The following DLGAP2 variants were observed in gnomAD, a reference collection of about 807,000 sequenced individuals.
The protein encoded by DLGAP2 is disks large-associated protein 2.
DLGAP2 carries 26 observed loss-of-function variants against 100.3 expected under a neutral mutation model. The observed-to-expected ratio is 0.26, with a 90% confidence interval of 0.19 to 0.36. The LOEUF is 0.36. Among genes scored for constraint, DLGAP2 ranks in the 10% least tolerant of loss-of-function variants. The pLI is 1.00. For missense variants in DLGAP2, 1,858 were observed against 1,453.2 expected (o/e 1.28, Z -4.53); for synonymous variants, 886 against 630.1 (o/e 1.41, Z -6.08).
rs571211358 is a variant in DLGAP2 at position 1,193,585 on chromosome 8, G to A, written c.74-65266G>A. ...TGTTTAAAGCTGGATATACGCTGCTGTGTCCACACACCACCCCATTATCTG... is the reference window on the plus strand; with the variant it reads ...TGTTTAAAGCTGGATATACGCTGCTATGTCCACACACCACCCCATTATCTG... On this transcript the variant is annotated intron_variant, in intron 2 of 14. Transcript: ENST00000637795. Among the ~76,000 whole-genome samples, 9 of 152,282 alleles carry A rather than the reference G, an allele frequency of 5.9e-5. No homozygotes were observed. The East Asian group carries it at 1.4e-3, about 23-fold the overall frequency.
At chr8:1,582,692 C>T (rs143523304) in intron 6 of DLGAP2, among the ~76,000 whole-genome samples, 10 of 152,156 alleles carry the variant, frequency 6.6e-5, no homozygotes, top group African/African-American at 1.4e-4. Context: ...TGGGTTCAAA[C>T]GATTCTCCTG....
intron 3 of DLGAP2, among the ~76,000 whole-genome samples, chr8:1,415,100 G>A (rs113022129): frequency 3.0e-4 from 45 of 152,312 alleles, no homozygotes; most frequent in African/African-American, 1.0e-3. Flanking sequence ...GCATACATAC[G>A]TGTACACACA....
At chr8:1,507,508 C>T (rs1584965534) in intron 4 of DLGAP2, among the ~76,000 whole-genome samples, 1 of 152,184 alleles carries the variant, frequency 6.6e-6, no homozygotes, top group Non-Finnish European at 1.5e-5. Flanking sequence ...ACACCTCTCC[C>T]TCCACGCCTC....
intron 3 of DLGAP2, among the ~76,000 whole-genome samples, chr8:1,493,348 GC>G (rs549049524): frequency 3.5e-4 from 53 of 152,326 alleles, no homozygotes; most frequent in African/African-American, 1.3e-3. Flanking sequence ...TGTGGACCCA[GC>G]GTGTAGACAT....
At chr8:1,470,329 G>C (rs374754174) in intron 3 of DLGAP2, among the ~76,000 whole-genome samples, 1 of 152,168 alleles carries the variant, frequency 6.6e-6, no homozygotes, top group African/African-American at 2.4e-5. Context: ...TCATCCCTCA[G>C]CTGGTGCCAC....
chr8:1,532,067 TGA>T (rs1801005591), intron 4 of DLGAP2, among the ~76,000 whole-genome samples: 2 of 152,334 alleles, frequency 1.3e-5, no homozygotes, highest in East Asian at 3.9e-4. Flanking sequence ...TGCATTCTTT[TGA>T]GTTTCTGATA....
intron 1 of DLGAP2, among the ~76,000 whole-genome samples, chr8:757,055 C>G (rs1197313786): frequency 1.3e-5 from 2 of 152,162 alleles, no homozygotes; most frequent in East Asian, 3.9e-4. Flanking sequence ...TCCCTGTTTC[C>G]CGCCATGGGG....
At chr8:1,634,426 C>G (rs1486874870) in intron 8 of DLGAP2, among the ~76,000 whole-genome samples, 1 of 152,156 alleles carries the variant, frequency 6.6e-6, no homozygotes, top group East Asian at 1.9e-4. Context: ...CACAGGCTGA[C>G]AACACATCCC....
At chr8:758,274 C>A (rs1045054785) in intron 1 of DLGAP2, among the ~76,000 whole-genome samples, 19 of 152,140 alleles carry the variant, frequency 1.2e-4, no homozygotes, top group Admixed American at 1.2e-3. Flanking sequence ...TCGGTAGTGC[C>A]ACATCTGTAC....
At chr8:1,183,046 C>T (rs1797424789) in intron 2 of DLGAP2, among the ~76,000 whole-genome samples, 1 of 152,280 alleles carries the variant, frequency 6.6e-6, no homozygotes, top group Middle Eastern at 3.4e-3. Context: ...TTTACTCACC[C>T]AGCAGCGGGA....
intron 2 of DLGAP2, among the ~76,000 whole-genome samples, chr8:1,158,658 T>C (rs976168916): frequency 6.6e-6 from 1 of 152,248 alleles, no homozygotes; most frequent in African/African-American, 2.4e-5. Context: ...CAGACGGCCG[T>C]TGCACTCTGT....
chr8:1,594,809 A>G (rs1299696730), intron 6 of DLGAP2, among the ~76,000 whole-genome samples: 1 of 152,148 alleles, frequency 6.6e-6, no homozygotes, highest in African/African-American at 2.4e-5. Flanking sequence ...AAACATTTTA[A>G]AAGTCGAACA....
chr8:895,677 G>A (rs1257292272), intron 1 of DLGAP2, among the ~76,000 whole-genome samples: 2 of 152,310 alleles, frequency 1.3e-5, no homozygotes, highest in Non-Finnish European at 2.9e-5. Context: ...GAGCCCTTTC[G>A]GTGGTGGTGT....
intron 5 of DLGAP2, among the ~76,000 whole-genome samples, chr8:1,554,998 G>T (rs1005869683): frequency 6.6e-6 from 1 of 152,190 alleles, no homozygotes; most frequent in Non-Finnish European, 1.5e-5. Flanking sequence ...GAAAGAACTG[G>T]CCAGCCTGGC....
At chr8:1,645,540 A>G (rs1012066886) in intron 8 of DLGAP2, among the ~76,000 whole-genome samples, 9 of 152,142 alleles carry the variant, frequency 5.9e-5, no homozygotes, top group African/African-American at 2.2e-4. Context: ...GCATCTGTAT[A>G]TTTATTTTTT....
intron 3 of DLGAP2, among the ~76,000 whole-genome samples, chr8:1,463,256 C>T (rs1373404026): frequency 2.6e-5 from 4 of 152,152 alleles, no homozygotes; most frequent in African/African-American, 9.6e-5. Context: ...CTCAAAAAAA[C>T]AAAAGAAAAA....
At chr8:1,592,409 C>T (rs1378896890) in intron 6 of DLGAP2, among the ~76,000 whole-genome samples, 2 of 152,048 alleles carry the variant, frequency 1.3e-5, no homozygotes, top group Non-Finnish European at 1.5e-5. Context: ...CCTCTGGCCC[C>T]CTTGACTTTA....
chr8:1,674,796 T>G lies in DLGAP2; in HGVS notation c.2203-1737T>G, dbSNP rs567705655. 9.3e-4 allele frequency among the ~76,000 whole-genome samples: 141 copies of G among 152,352 alleles called. 2 individuals carry two copies. In the South Asian group the frequency reaches 9.7e-3, roughly 11 times the overall value. On this transcript the variant is annotated intron_variant, in intron 10 of 14. Transcript: ENST00000637795. ...AGAAATAACCAAATTTCCCCTGCAC[T>G]GAAGGCTCATTAAATGCACTAGGCT...
chr8:955,741 G>A (rs1461913920), intron 2 of DLGAP2, among the ~76,000 whole-genome samples: 1 of 152,080 alleles, frequency 6.6e-6, no homozygotes, highest in African/African-American at 2.4e-5. Context: ...ATTTTAAATA[G>A]GATTGCATTG....
Sources: allele counts gnomAD v4.1 joint callset (sites outside exome capture counted in the v4.1 genomes callset), GRCh38; gene constraint gnomAD v4.1.1; transcripts MANE v1.5; gene names NCBI Gene and HGNC (gene_info 2026-07-23, HGNC 2026-07-21).